GET4: variants seen among roughly 807,000 people sequenced by gnomAD.
GET4 encodes the protein guided entry of tail-anchored proteins factor 4.
GET4 carries 20 observed loss-of-function variants against 40.0 expected under a neutral mutation model. The ratio of observed to expected loss-of-function variants is 0.50; its 90% CI spans 0.35 to 0.73. The LOEUF (loss-of-function observed/expected upper bound fraction) is 0.73. Among genes scored for constraint, GET4 ranks in the 30% least tolerant of loss-of-function variants. The probability of loss-of-function intolerance (pLI) is 0.01; values close to 1 mark genes in which losing one functional copy is unlikely to be tolerated. For synonymous variants in GET4, 280 were observed against 194.6 expected (o/e 1.44, Z -3.65); for missense variants, 557 against 454.0 (o/e 1.23, Z -2.06).
Position 876,591 on chromosome 7 carries a change from A to T in GET4, c.-55A>T. 1.7e-6 allele frequency: 2 copies of T among 1,152,982 alleles called. No homozygotes were observed. The highest frequency in any genetic ancestry group is 2.1e-6 in the Non-Finnish European group (2 of 934,708). 71.4% of individuals were successfully genotyped at this position (1,152,982 alleles called of 1,614,324 possible). ...GGCGGCCGTCGGGACGGAAGCCGGG[A>T]GGCGCTGCCGACCGCGCCTGCGACA... On this transcript the variant is annotated 5_prime_UTR_variant, in exon 1 of 9. Transcript: ENST00000265857.
At chr7:882,422 AGT>A (rs1403101012) in intron 1 of GET4, 6 of 152,350 alleles carry the variant, frequency 3.9e-5, no homozygotes, top group Non-Finnish European at 7.3e-5. Flanking sequence ...GTCGGGCAGC[AGT>A]TCCTGGTTCG....
chr7:892,311 G>A lies in GET4; in HGVS notation c.639G>A (p.Ser213=), dbSNP rs966948454. 14 of 1,592,684 alleles carry A rather than the reference G, an allele frequency of 8.8e-6. No homozygotes were observed. The highest frequency in any genetic ancestry group is 4.5e-5 in the East Asian group (2 of 44,182). The change falls in exon 6 of 9, where the codon TCG becomes TCA. Residue 213 remains serine, a synonymous_variant. Transcript: ENST00000265857. ...GTTTAAAAAACAAAAGTAGCGCATC[G>A]GTGGTCTTCACGACGTACACCCAGA... is the stretch of plus-strand genomic sequence containing the variant. ...FLCLKNKSSA[S]VVFTTYTQKH...
chr7:892,284 C>T lies in GET4; in HGVS notation c.612C>T (p.Leu204=), dbSNP rs140700406. The T allele has an allele frequency of 2.5e-4, 402 of 1,587,138 alleles. No homozygotes were observed. Among genetic ancestry groups the T allele is most frequent in the Non-Finnish European group, 3.3e-4 (385 of 1,157,196 alleles). Residue 204 remains leucine (L), a synonymous_variant, in exon 6 of 9, where the codon CTC becomes CTT. Coordinates refer to ENST00000265857, the MANE Select transcript of GET4 (RefSeq NM_015949.3). ...AGCATGTTCTCATTTCCAGGTTTCT[C>T]TGTTTAAAAAACAAAAGTAGCGCAT... is the stretch of plus-strand genomic sequence containing the variant. ...MFVAQAVLQF[L]CLKNKSSASV...
chr7:882,935 C>T (rs1844116575), intron 1 of GET4: 1 of 152,354 alleles, frequency 6.6e-6, no homozygotes, highest in South Asian at 2.1e-4. Flanking sequence ...GGTCGTGGGT[C>T]TGGCTCTTCC....
chr7:893,691 G>A, intron 6 of GET4, 49 bp from the exon 7 acceptor site: 2 of 1,247,564 alleles, frequency 1.6e-6, no homozygotes, highest in Middle Eastern at 2.0e-4. Context: ...GCAGGTGAGT[G>A]TGGTCCTGTT....
At chr7:895,103 C>G (rs1305101226) in intron 8 of GET4, among the ~76,000 whole-genome samples, 2 of 150,436 alleles carry the variant, frequency 1.3e-5, no homozygotes, top group Non-Finnish European at 3.0e-5. Context: ...GAGGGCCGTT[C>G]TGTGGAGTCC....
intron 1 of GET4, chr7:883,073 C>G (rs1433447891): frequency 6.6e-6 from 1 of 152,222 alleles, no homozygotes; most frequent in South Asian, 2.1e-4. Flanking sequence ...GCGGTGCACC[C>G]CTAGCCCAGG....
At position 878,210 on chromosome 7, in the gene GET4, G is replaced by C. The variant is rs142798143; in HGVS notation, c.155+1410G>C. 9.8e-4 allele frequency: 460 copies of C among 469,084 alleles called. 4 individuals are homozygous for C. Among genetic ancestry groups the C allele is most frequent in the African/African-American group, 8.7e-3 (436 of 50,126 alleles). The allele number at this position is 469,084 out of a possible 1,614,324, so 29.1% of individuals were successfully genotyped here. ...ATGCTGGGTTAACTGCACGCCCCTC[G>C]GGACTGTGACCGCTTGGAAGTTCCA... is the stretch of plus-strand genomic sequence containing the variant. On this transcript the variant is annotated intron_variant, in intron 1 of 8. Transcript: ENST00000265857.
intron 6 of GET4, among the ~76,000 whole-genome samples, chr7:892,889 C>CGTGTGGGTAGCTGTGGGGGT (rs1844361339): frequency 6.9e-6 from 1 of 145,310 alleles, no homozygotes; most frequent in Non-Finnish European, 1.5e-5. Flanking sequence ...TGTGTGTAGA[C>CGTGTGGGTAGCTGTGGGGGT]GTGTGGGTAG....
Position 895,444 on chromosome 7 carries a change from C to G in GET4, c.*22C>G. 1 of 1,342,510 alleles carries G rather than the reference C, an allele frequency of 7.4e-7. No individual in the cohort carries two copies. The highest frequency in any genetic ancestry group is 1.1e-6 in the Non-Finnish European group (1 of 941,544). The allele number at this position is 1,342,510 out of a possible 1,614,324, so 83.2% of individuals were successfully genotyped here. ...CTGAACTGGCCAGGCCACGTGGAGA[C>G]ACCACGGTCGACGACGGCTGGAGGG... On this transcript the variant is annotated 3_prime_UTR_variant, in exon 9 of 9. Transcript: ENST00000265857.
intron 8 of GET4, among the ~76,000 whole-genome samples, chr7:894,209 A>G (rs1001936545): frequency 4.4e-4 from 67 of 151,898 alleles, no homozygotes; most frequent in African/African-American, 1.6e-3. Context: ...GGTGTCTTCC[A>G]TTTCCTGGCA....
Position 893,722 on chromosome 7 carries a change from T to G in GET4, c.747-18T>G. 3 of 1,560,156 alleles carry G rather than the reference T, an allele frequency of 1.9e-6. No homozygotes were observed. The highest frequency in any genetic ancestry group is 2.6e-6 in the Non-Finnish European group (3 of 1,135,640). ...CTGTTCTGCTCACCCAGCACATCCC[T>G]GTGTGTCTCTGTCCCAGTGGGAAGC... On this transcript the variant is annotated intron_variant, in intron 6 of 8. Coordinates refer to ENST00000265857, the MANE Select transcript of GET4 (RefSeq NM_015949.3).
rs922680961 is a variant in GET4, at chr7:876,585, G to T, written c.-61G>T. ...GCGTCGGGCGGCCGTCGGGACGGAA[G>T]CCGGGAGGCGCTGCCGACCGCGCCT... On this transcript the variant is annotated 5_prime_UTR_variant, in exon 1 of 9. Transcript: ENST00000265857. 1 of 1,148,648 alleles carries T rather than the reference G, an allele frequency of 8.7e-7. No individual in the cohort carries two copies. The highest frequency in any genetic ancestry group is 4.3e-5 in the East Asian group (1 of 23,238). 71.2% of individuals were successfully genotyped at this position (1,148,648 alleles called of 1,614,324 possible). A position where few individuals can be genotyped will look rare whatever the true frequency, so the allele number is the denominator to read the frequency against.
rs188367910 is a variant in GET4 at position 887,648 on chromosome 7, G to A, written c.466+129G>A. 869 of 653,574 alleles carry A rather than the reference G, an allele frequency of 1.3e-3. 1 individual carries two copies. The highest frequency in any genetic ancestry group is 4.7e-3 in the Admixed American group (117 of 25,064). The allele number at this position is 653,574 out of a possible 1,614,324, so 40.5% of individuals were successfully genotyped here. ...GTTTCACCCTGTGGTCACGCGGGCC[G>A]GTCCATGGAGACCCATGCGCCATGC... is the stretch of plus-strand genomic sequence containing the variant. On this transcript the variant is annotated intron_variant, in intron 4 of 8. Coordinates refer to ENST00000265857, the MANE Select transcript of GET4 (RefSeq NM_015949.3).
chr7:883,665 C>T (rs1844129864), intron 1 of GET4: 19 of 985,520 alleles, frequency 1.9e-5, no homozygotes, highest in Non-Finnish European at 2.2e-5. Flanking sequence ...TAGTGCGCAG[C>T]ATGCAGAGCC....
Position 894,600 on chromosome 7 carries a change from C to G in GET4, c.895+629C>G, listed in dbSNP as rs1448523676. 3.9e-5 allele frequency among the ~76,000 whole-genome samples: 6 copies of G among 152,152 alleles called. No individual in the cohort carries two copies. The East Asian group carries it at 9.6e-4, about 24-fold the overall frequency. Reference sequence around the variant, plus strand: ...ACCGTGCCCCGTGACACAGGCACCTCCACCCCAACACCCGTCAGGAGCGCC... The same window carrying G: ...ACCGTGCCCCGTGACACAGGCACCTGCACCCCAACACCCGTCAGGAGCGCC... On this transcript the variant is annotated intron_variant, in intron 8 of 8. Coordinates refer to ENST00000265857, the MANE Select transcript of GET4 (RefSeq NM_015949.3).
At chr7:887,701 C>A (rs1467951249) in intron 4 of GET4, among the ~76,000 whole-genome samples, 182 bp downstream of exon 4, 1 of 152,210 alleles carries the variant, frequency 6.6e-6, no homozygotes, top group East Asian at 1.9e-4. Context: ...CCACTGCACC[C>A]GAGAAGCTGC....
At chr7:879,979 G>A (rs1255480884) in intron 1 of GET4, 2 of 152,260 alleles carry the variant, frequency 1.3e-5, no homozygotes, top group African/African-American at 4.8e-5. Flanking sequence ...AGAGCTGTGT[G>A]ATGGGGAACT....
intron 3 of GET4, 38 bp from the exon 4 acceptor site, chr7:887,332 C>T (rs779421237): frequency 1.2e-5 from 18 of 1,560,002 alleles, no homozygotes; most frequent in Non-Finnish European, 1.6e-5. Context: ...GCCGGAGTGG[C>T]CGTGCGTTCC....
Sources: allele counts gnomAD v4.1 joint callset (sites outside exome capture counted in the v4.1 genomes callset), GRCh38; gene constraint gnomAD v4.1.1; transcripts MANE v1.5; gene names NCBI Gene and HGNC (gene_info 2026-07-23, HGNC 2026-07-21).